TAF1: variants seen among roughly 807,000 people sequenced by gnomAD.
TAF1 encodes the protein TATA-box binding protein associated factor 1.
TAF1 carries 2 observed loss-of-function variants against 138.5 expected under a neutral mutation model. The observed-to-expected ratio is 0.01, with a 90% confidence interval of 0.01 to 0.05. The LOEUF (loss-of-function observed/expected upper bound fraction) is 0.05. Among genes scored for constraint, TAF1 ranks in the 10% least tolerant of loss-of-function variants. The pLI, the probability that TAF1 is intolerant of heterozygous loss-of-function variation, is 1.00. For synonymous variants in TAF1, 437 were observed against 503.2 expected, an observed-to-expected ratio of 0.87 and a Z score of 1.76; for missense variants, 709 against 1,478.0, an observed-to-expected ratio of 0.48 and a Z score of 8.53.
intron 13 of TAF1, among the ~76,000 whole-genome samples, chrX:71,524,670 T>C (rs186079911): frequency 0.033 from 3,519 of 105,777 alleles, 89 homozygotes; most frequent in South Asian, 0.13. Context: ...TGGCTGGGTG[T>C]GGTGGCTCAC....
At chrX:71,480,253 G>A (rs1449172509) in intron 13 of TAF1, among the ~76,000 whole-genome samples, 1 of 110,433 alleles carries the variant, frequency 9.1e-6, no homozygotes, top group Non-Finnish European at 1.9e-5. Context: ...AAACTAGCCA[G>A]ACATGGTGGC....
intron 32 of TAF1, among the ~76,000 whole-genome samples, chrX:71,440,094 C>G (rs1024736816): frequency 1.3e-4 from 14 of 111,551 alleles, no homozygotes; most frequent in African/African-American, 4.6e-4. Context: ...CCCCCACACA[C>G]ACATGCCCAC....
At chrX:71,445,844 A>G (rs1054135586) in intron 32 of TAF1, among the ~76,000 whole-genome samples, 1 of 110,603 alleles carries the variant, frequency 9.0e-6, no homozygotes, top group African/African-American at 3.3e-5. Context: ...ATCATAATTT[A>G]TTTAACCATT....
chrX:71,460,438 AG>A (rs1398439528), intron 36 of TAF1, among the ~76,000 whole-genome samples, 187 bp from the exon 37 acceptor site: 1 of 112,557 alleles, frequency 8.9e-6, no homozygotes, highest in Non-Finnish European at 1.9e-5. Context: ...ATTTGGATTC[AG>A]ATTCTAAACT....
chrX:71,511,791 G>A (rs1212676754), intron 13 of TAF1, among the ~76,000 whole-genome samples: 1 of 111,352 alleles, frequency 9.0e-6, no homozygotes, highest in Non-Finnish European at 1.9e-5. Context: ...TGAGGCGGGT[G>A]GATTGCTTGA....
intron 28 of TAF1, among the ~76,000 whole-genome samples, chrX:71,417,019 C>CA (rs1277682886): frequency 0.036 from 2,049 of 57,557 alleles, 67 homozygotes; most frequent in African/African-American, 0.1. Context: ...GACCCTGTCT[C>CA]AAAAAAAAAA....
At chrX:71,510,801 G>T (rs1228618149) in intron 13 of TAF1, among the ~76,000 whole-genome samples, 1 of 111,714 alleles carries the variant, frequency 9.0e-6, no homozygotes, top group Non-Finnish European at 1.9e-5. Context: ...GATTCTTGGT[G>T]CCCCTATAAA....
intron 25 of TAF1, among the ~76,000 whole-genome samples, chrX:71,404,232 A>C (rs1282470362): frequency 9.0e-6 from 1 of 110,913 alleles, no homozygotes; most frequent in Non-Finnish European, 1.9e-5. Context: ...TGGGCCTCCC[A>C]AAGTGCTGGG....
intron 28 of TAF1, among the ~76,000 whole-genome samples, chrX:71,408,737 G>C (rs2035605150): frequency 9.0e-6 from 1 of 110,572 alleles, no homozygotes; most frequent in Non-Finnish European, 1.9e-5. Context: ...ACAAAAGAGA[G>C]ACATTCGGCT....
intron 12 of TAF1, 57 bp downstream of exon 12, chrX:71,383,221 G>A: frequency 1.8e-6 from 2 of 1,120,014 alleles, no homozygotes; most frequent in Non-Finnish European, 2.4e-6. Flanking sequence ...TATAAATTAA[G>A]GGAATGTACC....
chrX:71,388,514 A>G (rs1290420498), intron 16 of TAF1, 136 bp downstream of exon 16: 1 of 991,575 alleles, frequency 1.0e-6, no homozygotes, highest in Non-Finnish European at 1.3e-6. Context: ...ATCTTCTAAC[A>G]CTCTGGTTGC....
intron 32 of TAF1, among the ~76,000 whole-genome samples, chrX:71,425,636 C>T (rs766209584): frequency 4.5e-5 from 5 of 111,185 alleles, no homozygotes. Flanking sequence ...CAGCAAGACC[C>T]TGTCTCTATA....
downstream of TAF1, among the ~76,000 whole-genome samples, chrX:71,469,937 G>C (rs1259963896): frequency 3.6e-5 from 4 of 112,004 alleles, no homozygotes; most frequent in African/African-American, 6.5e-5. Context: ...CCAACCTCAG[G>C]TGATCCGCCC....
At chrX:71,377,502 C>A in intron 5 of TAF1, 101 bp from the exon 6 acceptor site, 3 of 978,322 alleles carry the variant, frequency 3.1e-6, no homozygotes, top group East Asian at 3.3e-5. Context: ...GTTTCTCCCC[C>A]ACATTTGAAG....
At chrX:71,441,628 T>C (rs1228599751) in intron 32 of TAF1, 1 of 298,457 alleles carries the variant, frequency 3.4e-6, no homozygotes, top group Non-Finnish European at 6.3e-6. Context: ...CTATAGTCAT[T>C]CTACGGCGCT....
chrX:71,434,308 A>G (rs2037033239), intron 32 of TAF1, among the ~76,000 whole-genome samples: 1 of 112,652 alleles, frequency 8.9e-6, no homozygotes, highest in South Asian at 3.6e-4. Flanking sequence ...TTTATTCTCT[A>G]CTTTAAAATT....
intron 13 of TAF1, among the ~76,000 whole-genome samples, chrX:71,520,460 A>C (rs1396813128): frequency 9.3e-6 from 1 of 107,912 alleles, no homozygotes; most frequent in African/African-American, 3.4e-5. Flanking sequence ...AGGCAGGCTG[A>C]TCACTAGGTC....
rs1293358368 is a variant in TAF1 at position 71,421,303 on chromosome X, C to G, written c.4385-6C>G. Reference sequence around the variant, plus strand: ...AGTGGTTTCATCTCTTTCTGTTCCTCTACAGGGCCAAAACACTCATTGACT... The same window carrying G: ...AGTGGTTTCATCTCTTTCTGTTCCTGTACAGGGCCAAAACACTCATTGACT... On this transcript the variant is annotated splice_polypyrimidine_tract_variant and splice_region_variant and intron_variant, in intron 28 of 37. Coordinates refer to ENST00000423759, the MANE Select transcript of TAF1 (RefSeq NM_004606.5). 1 of 1,203,485 alleles carries G rather than the reference C, an allele frequency of 8.3e-7. No homozygotes were observed. Among genetic ancestry groups the G allele is most frequent in the African/African-American group, 1.7e-5 (1 of 57,358 alleles).
chrX:71,503,796 CCCT>C (rs1214074601), intron 13 of TAF1, among the ~76,000 whole-genome samples: 2 of 109,856 alleles, frequency 1.8e-5, no homozygotes, highest in African/African-American at 3.3e-5. Flanking sequence ...TCCTTCTCTT[CCCT>C]CCTCCTCCTC....
Sources: allele counts gnomAD v4.1 joint callset (sites outside exome capture counted in the v4.1 genomes callset), GRCh38; gene constraint gnomAD v4.1.1; transcripts MANE v1.5; gene names NCBI Gene and HGNC (gene_info 2026-07-23, HGNC 2026-07-21).